The following GPBP1 variants were observed in gnomAD, a reference collection of about 807,000 sequenced individuals.
GPBP1 encodes the protein vasculin.
GPBP1 carries 13 observed loss-of-function variants against 56.5 expected under a neutral mutation model. The ratio of observed to expected loss-of-function variants is 0.23; its 90% CI spans 0.15 to 0.37. The LOEUF (loss-of-function observed/expected upper bound fraction) is 0.37, where lower values mean the gene tolerates loss of function less well. Among genes scored for constraint, GPBP1 ranks in the 10% least tolerant of loss-of-function variants. The pLI is 1.00. For missense variants in GPBP1, 477 were observed against 572.3 expected (o/e 0.83, Z 1.70); for synonymous variants, 204 against 188.9 (o/e 1.08, Z -0.66).
At chr5:57,210,641 G>A (rs1755435381) in intron 2 of GPBP1, among the ~76,000 whole-genome samples, 2 of 152,184 alleles carry the variant, frequency 1.3e-5, no homozygotes, top group Non-Finnish European at 2.9e-5. Context: ...TATTTCTAAA[G>A]TTGTTTGTAG....
At chr5:57,184,900 G>GTAT (rs1416283558) in intron 2 of GPBP1, among the ~76,000 whole-genome samples, 1 of 152,162 alleles carries the variant, frequency 6.6e-6, no homozygotes, top group African/African-American at 2.4e-5. Flanking sequence ...GTTGTTTCAT[G>GTAT]TATTATAGTT....
chr5:57,201,304 C>T (rs1175441841), intron 2 of GPBP1, among the ~76,000 whole-genome samples: 1 of 151,818 alleles, frequency 6.6e-6, no homozygotes, highest in Non-Finnish European at 1.5e-5. Context: ...TTTTTTTTTC[C>T]CAGTACAGAA....
chr5:57,179,131 C>T (rs888833909), intron 2 of GPBP1, among the ~76,000 whole-genome samples: 4 of 152,300 alleles, frequency 2.6e-5, no homozygotes, highest in African/African-American at 9.6e-5. Flanking sequence ...AGCACATACT[C>T]AGCACTATGC....
chr5:57,202,428 A>T (rs766519760), intron 2 of GPBP1, among the ~76,000 whole-genome samples: 13 of 151,926 alleles, frequency 8.6e-5, no homozygotes, highest in Non-Finnish European at 2.9e-5. Context: ...AGCTGGAATT[A>T]TAGGCGCATG....
intron 2 of GPBP1, among the ~76,000 whole-genome samples, chr5:57,206,626 G>T (rs1427939425): frequency 1.3e-5 from 2 of 152,182 alleles, no homozygotes; most frequent in East Asian, 3.9e-4. Flanking sequence ...CACCTGCCTT[G>T]GCCTCCCAAA....
Position 57,262,620 on chromosome 5 carries a change from TG to T in GPBP1, c.1292del (p.Gly431ValfsTer3). 6.2e-7 allele frequency: 1 copy of T among 1,613,290 alleles called. No individual in the cohort carries two copies. ...QLQKNGLRKNGILKNGLICDF... is the reference protein window; with the variant it reads ...QLQKNGLRKNXILKNGLICDF... ...TACAGAAGAATGGTCTGAGAAAAAA[TG>T]GTATTTTGAAAAATGGCTTGATCTG... On this transcript the variant is annotated frameshift_variant, in exon 12 of 12. Coordinates refer to ENST00000506184, the MANE Select transcript of GPBP1 (RefSeq NM_022913.4). LOFTEE classifies it high-confidence loss of function.
chr5:57,227,692 G>T (rs1756257947), intron 3 of GPBP1, among the ~76,000 whole-genome samples: 1 of 152,136 alleles, frequency 6.6e-6, no homozygotes, highest in Non-Finnish European at 1.5e-5. Flanking sequence ...GTCTTAGGGG[G>T]CTGTACAGAA....
chr5:57,244,727 A>ATTTTTTT (rs532660984), intron 6 of GPBP1, among the ~76,000 whole-genome samples: 66 of 93,136 alleles, frequency 7.1e-4, no homozygotes, highest in East Asian at 1.4e-3. Context: ...TTTGTTTGAG[A>ATTTTTTT]TTTTTTTTTT....
intron 8 of GPBP1, 89 bp downstream of exon 8, chr5:57,247,304 ATACATTAAAATGAG>A: frequency 9.6e-7 from 1 of 1,036,650 alleles, no homozygotes; most frequent in Non-Finnish European, 1.3e-6. Context: ...CATTAAATGA[ATACATTAAAATGAG>A]TTTCATTCCT....
intron 6 of GPBP1, among the ~76,000 whole-genome samples, chr5:57,243,160 C>T (rs768625524): frequency 6.6e-6 from 1 of 151,666 alleles, no homozygotes; most frequent in African/African-American, 2.4e-5. Flanking sequence ...CTCCACCTCC[C>T]GGGTTCAAGC....
chr5:57,211,278 C>T (rs1755464595), intron 2 of GPBP1, among the ~76,000 whole-genome samples: 2 of 151,978 alleles, frequency 1.3e-5, no homozygotes, highest in Non-Finnish European at 1.5e-5. Context: ...CCTCAAACTT[C>T]TGGTCTCAAG....
chr5:57,175,583 T>A lies in GPBP1; in HGVS notation c.-875T>A, dbSNP rs1753761212. ...AGAAGTTTATTAAAATTGGCAAGAA[T>A]CGTCTGTGAAGTGAATTGATAGTAG... On this transcript the variant is annotated 5_prime_UTR_variant, in exon 2 of 12. Transcript: ENST00000506184. 1 of 398,186 alleles carries A rather than the reference T, an allele frequency of 2.5e-6. No individual in the cohort carries two copies. Among genetic ancestry groups the A allele is most frequent in the African/African-American group, 2.1e-5 (1 of 48,750 alleles). The allele number at this position is 398,186 out of a possible 1,614,324, so 24.7% of individuals were successfully genotyped here.
intron 3 of GPBP1, among the ~76,000 whole-genome samples, chr5:57,224,307 A>C (rs1023968487): frequency 6.6e-6 from 1 of 151,416 alleles, no homozygotes; most frequent in Non-Finnish European, 1.5e-5. Flanking sequence ...CAGTGGCACA[A>C]TCTCAGCTCA....
intron 3 of GPBP1, chr5:57,221,283 G>A (rs1755947134): frequency 2.6e-6 from 2 of 764,092 alleles, no homozygotes; most frequent in South Asian, 4.1e-5. Context: ...TTATATACCT[G>A]TGGCGCACTA....
At chr5:57,243,973 GCCA>G (rs1283924134) in intron 6 of GPBP1, among the ~76,000 whole-genome samples, 2 of 152,046 alleles carry the variant, frequency 1.3e-5, no homozygotes, top group African/African-American at 4.8e-5. Context: ...ACAGGCATGA[GCCA>G]CCACACCCAG....
At chr5:57,193,234 T>C (rs1023612030) in intron 2 of GPBP1, among the ~76,000 whole-genome samples, 8 of 152,070 alleles carry the variant, frequency 5.3e-5, no homozygotes, top group Non-Finnish European at 1.2e-4. Context: ...GGAGAATTGC[T>C]TGAACTGGGA....
At chr5:57,214,746 CCT>C (rs959606675) in intron 3 of GPBP1, among the ~76,000 whole-genome samples, 67 of 152,082 alleles carry the variant, frequency 4.4e-4, no homozygotes, top group African/African-American at 1.6e-3. Context: ...GCCTACACCT[CCT>C]GGGTTCAAGC....
rs1580089630 is a variant in GPBP1 at position 57,259,521 on chromosome 5, A to C, written c.1161-1659A>C. Among the ~76,000 whole-genome samples, 4 of 152,342 alleles carry C rather than the reference A, an allele frequency of 2.6e-5. No homozygotes were observed. The East Asian group carries it at 7.7e-4, about 29-fold the overall frequency. ...AGACCCTTTTGTAAGCAATGATAGC[A>C]GTCATTTAGACCATCCCTGAAGAAC... On this transcript the variant is annotated intron_variant, in intron 10 of 11. Coordinates refer to ENST00000506184, the MANE Select transcript of GPBP1 (RefSeq NM_022913.4).
chr5:57,186,606 T>C (rs1754297163), intron 2 of GPBP1, among the ~76,000 whole-genome samples: 1 of 152,138 alleles, frequency 6.6e-6, no homozygotes, highest in South Asian at 2.1e-4. Context: ...GGTCTCACTC[T>C]GTCACCCAGG....
Sources: gnomAD v4.1 joint callset for allele counts (sites outside exome capture counted in the v4.1 genomes callset) on GRCh38, gnomAD v4.1.1 for gene constraint, MANE v1.5 for transcripts, NCBI Gene and HGNC (gene_info 2026-07-23, HGNC 2026-07-21) for gene names.